TRIO: variants seen among roughly 807,000 people sequenced by gnomAD.
TRIO encodes the protein triple functional domain protein.
In TRIO, 58 loss-of-function variants were observed where a neutral mutation model predicts 351.9. The ratio of observed to expected loss-of-function variants is 0.16; its 90% CI spans 0.13 to 0.21. TRIO has a LOEUF of 0.21. Ranked by LOEUF, TRIO falls within the 10% of genes least tolerant of loss-of-function variation. The pLI is 1.00. For synonymous variants in TRIO, 1,758 were observed against 1,595.7 expected (o/e 1.10, Z -2.42); for missense variants, 3,201 against 4,027.8 (o/e 0.79, Z 5.56).
chr5:14,327,959 G>A (rs77871781), intron 9 of TRIO, among the ~76,000 whole-genome samples: 3,653 of 152,274 alleles, frequency 0.024, 151 homozygotes, highest in African/African-American at 0.083. Context: ...TGTCTGCCTC[G>A]AAATCAGGTG....
Position 14,508,525 on chromosome 5 carries a change from G to A in TRIO, c.*103G>A. The A allele has an allele frequency of 7.1e-7, 1 of 1,403,708 alleles. No homozygotes were observed. Among genetic ancestry groups the A allele is most frequent in the Non-Finnish European group, 9.7e-7 (1 of 1,035,494 alleles). The allele number at this position is 1,403,708 out of a possible 1,614,324, so 87.0% of individuals were successfully genotyped here. On this transcript the variant is annotated 3_prime_UTR_variant, in exon 57 of 57. Coordinates refer to ENST00000344204, the MANE Select transcript of TRIO (RefSeq NM_007118.4). ...AACATAACTGATCAGCTGCCGGTAT[G>A]TTCATCGTGTGAAATTGCATTCCAA...
Position 14,291,237 on chromosome 5 carries a change from G to T in TRIO, c.1053+9G>T. 2.5e-6 allele frequency: 4 copies of T among 1,607,354 alleles called. No individual in the cohort carries two copies. The highest frequency in any genetic ancestry group is 1.1e-5 in the South Asian group (1 of 90,138). On this transcript the variant is annotated intron_variant, in intron 5 of 56. Coordinates refer to ENST00000344204, the MANE Select transcript of TRIO (RefSeq NM_007118.4). Reference sequence around the variant, plus strand: ...AACAGGATGCTGAGAAGGTAAAGACGGGGGAGGCTAATGCCTCAGTGGACA... The same window carrying T: ...AACAGGATGCTGAGAAGGTAAAGACTGGGGAGGCTAATGCCTCAGTGGACA...
At chr5:14,224,632 G>A (rs1792861333) in intron 1 of TRIO, among the ~76,000 whole-genome samples, 1 of 149,352 alleles carries the variant, frequency 6.7e-6, no homozygotes, top group Non-Finnish European at 1.5e-5. Flanking sequence ...CAAAACAAAT[G>A]TTAGTAAATA....
chr5:14,262,498 A>G (rs1434028450), intron 1 of TRIO, among the ~76,000 whole-genome samples: 2 of 152,186 alleles, frequency 1.3e-5, no homozygotes, highest in East Asian at 3.8e-4. Context: ...CCAAGAAACC[A>G]TTGAAGAATT....
chr5:14,413,319 G>A (rs1434272760), intron 33 of TRIO, among the ~76,000 whole-genome samples: 2 of 152,230 alleles, frequency 1.3e-5, no homozygotes, highest in African/African-American at 4.8e-5. Flanking sequence ...AGAGTCTTGC[G>A]TAAAGCACCT....
intron 1 of TRIO, among the ~76,000 whole-genome samples, chr5:14,161,364 C>T (rs1788446640): frequency 6.6e-6 from 1 of 152,216 alleles, no homozygotes; most frequent in Non-Finnish European, 1.5e-5. Flanking sequence ...GTTTCCCTTC[C>T]TAACTCAGCT....
Position 14,482,575 on chromosome 5 carries a change from G to A in TRIO, c.6466-7G>A. On this transcript the variant is annotated splice_polypyrimidine_tract_variant and splice_region_variant and intron_variant, in intron 45 of 56. Transcript: ENST00000344204. ...CCTTCCTTTTCCCCCTTTATTTCTT[G>A]TTTTAGGGGAAAATCGTTGCCCAGG... The A allele has an allele frequency of 7.0e-7, 1 of 1,431,474 alleles. No individual in the cohort carries two copies. The highest frequency in any genetic ancestry group is 9.3e-7 in the Non-Finnish European group (1 of 1,079,616). 88.7% of individuals were successfully genotyped at this position (1,431,474 alleles called of 1,614,324 possible). A position where few individuals can be genotyped will look rare whatever the true frequency, so the allele number is the denominator to read the frequency against.
intron 27 of TRIO, among the ~76,000 whole-genome samples, chr5:14,393,436 C>T (rs1405541844): frequency 6.6e-6 from 1 of 152,180 alleles, no homozygotes; most frequent in Non-Finnish European, 1.5e-5. Context: ...AGAAATCATG[C>T]CTGAGAGATT....
intron 11 of TRIO, 82 bp downstream of exon 11, chr5:14,336,809 A>G: frequency 6.7e-7 from 1 of 1,484,902 alleles, no homozygotes; most frequent in Non-Finnish European, 9.2e-7. Context: ...TTTAGTCATA[A>G]TGTGAGAAAG....
rs1361686391 is a variant in TRIO, at chr5:14,429,186, C to CAT, written c.5203+9169_5203+9170dup. Among the ~76,000 whole-genome samples the CAT allele has an allele frequency of 2.0e-5, 3 of 152,160 alleles. No individual in the cohort carries two copies. In the East Asian group the frequency reaches 5.8e-4, roughly 29 times the overall value. ...AGTGGCGTTCCTGGAGGGGAACAAT[C>CAT]ATATAATTCCGCAGGGTGGGTCTAA... On this transcript the variant is annotated intron_variant, in intron 34 of 56. Transcript: ENST00000344204.
At chr5:14,456,330 C>T (rs777178528) in intron 34 of TRIO, among the ~76,000 whole-genome samples, 2 of 152,236 alleles carry the variant, frequency 1.3e-5, no homozygotes, top group East Asian at 1.9e-4. Context: ...CACAGTGCAG[C>T]GGTGGGCTGA....
intron 1 of TRIO, among the ~76,000 whole-genome samples, chr5:14,169,300 A>G (rs1041494800): frequency 1.3e-5 from 2 of 151,370 alleles, no homozygotes; most frequent in Admixed American, 6.6e-5. Flanking sequence ...CAGTACCAAG[A>G]GTCGTATTTT....
intron 1 of TRIO, among the ~76,000 whole-genome samples, chr5:14,145,573 G>C (rs1330375554): frequency 3.3e-5 from 5 of 151,754 alleles, no homozygotes. Context: ...GAACTGGGAC[G>C]TATTCCCTTC....
chr5:14,460,991 T>A, intron 34 of TRIO, 28 bp from the exon 35 acceptor site: 1 of 1,526,882 alleles, frequency 6.5e-7, no homozygotes, highest in Non-Finnish European at 8.8e-7. Flanking sequence ...TGCGAGTCAG[T>A]GATACTCCCT....
In TRIO at chr5:14,497,011, T is replaced by C; in HGVS notation, c.8013T>C (p.Ser2671=). 6.2e-7 allele frequency: 1 copy of C among 1,614,188 alleles called. No homozygotes were observed. ...KSREGLSNKV[S]VKLLNPNYIY... is the part of the protein sequence containing the mutation. ...GGGAAGGACTCAGCAACAAGGTATC[T>C]GTGAAGGTGTGTTCGGGGGTCTTCA... Residue 2671 remains serine (S), a synonymous_variant, in exon 50 of 57, where the codon TCT becomes TCC. Transcript: ENST00000344204. This position sits in a 1 kb window ranked among gnomAD's most constrained non-coding sequence, Gnocchi z 4.4.
chr5:14,356,096 A>G (rs1354173521), intron 11 of TRIO, among the ~76,000 whole-genome samples: 1 of 152,234 alleles, frequency 6.6e-6, no homozygotes, highest in Non-Finnish European at 1.5e-5. Context: ...ACCCTGGGTA[A>G]CAGGATTGAA....
At chr5:14,289,184 G>A (rs532179415) in intron 4 of TRIO, among the ~76,000 whole-genome samples, 2 of 151,926 alleles carry the variant, frequency 1.3e-5, no homozygotes, top group African/African-American at 2.4e-5. Flanking sequence ...TCAGGAGTTC[G>A]AGACAACCTG....
intron 33 of TRIO, among the ~76,000 whole-genome samples, chr5:14,414,055 A>T (rs1749429698): frequency 6.6e-6 from 1 of 152,198 alleles, no homozygotes; most frequent in African/African-American, 2.4e-5. Context: ...CAGGAAATAC[A>T]GCCAACAGGT....
chr5:14,234,852 A>C lies in TRIO; in HGVS notation c.158-35973A>C, dbSNP rs540821738. On this transcript the variant is annotated intron_variant, in intron 1 of 56. Coordinates refer to ENST00000344204, the MANE Select transcript of TRIO (RefSeq NM_007118.4). ...TGAAATGACTTATTTTAAAATTTTC[A>C]TCTAATCTACAAAACTAGATTATTT... Among the ~76,000 whole-genome samples, 3 of 152,366 alleles carry C rather than the reference A, an allele frequency of 2.0e-5. No homozygotes were observed. In the South Asian group the frequency reaches 6.2e-4, roughly 32 times the overall value.
Sources: allele counts gnomAD v4.1 joint callset (sites outside exome capture counted in the v4.1 genomes callset), GRCh38; gene constraint gnomAD v4.1.1; non-coding constraint Gnocchi (gnomAD v3.1); transcripts MANE v1.5; gene names NCBI Gene and HGNC (gene_info 2026-07-23, HGNC 2026-07-21).